AKAP6: variants seen among roughly 807,000 people sequenced by gnomAD.
The protein encoded by AKAP6 is A-kinase anchoring protein 6.
AKAP6 carries 58 observed loss-of-function variants against 188.5 expected under a neutral mutation model. The ratio of observed to expected loss-of-function variants is 0.31; its 90% CI spans 0.25 to 0.38. The LOEUF (loss-of-function observed/expected upper bound fraction) is 0.38, where lower values mean the gene tolerates loss of function less well. AKAP6 is among the 10% of genes least tolerant of loss of function. The probability of loss-of-function intolerance (pLI) is 1.00; values close to 1 mark genes in which losing one functional copy is unlikely to be tolerated. For synonymous variants in AKAP6, 989 were observed against 998.6 expected (o/e 0.99, Z 0.18); for missense variants, 2,710 against 2,740.0 (o/e 0.99, Z 0.24).
intron 1 of AKAP6, among the ~76,000 whole-genome samples, chr14:32,407,947 G>T (rs1889351923): frequency 1.3e-5 from 2 of 152,208 alleles, no homozygotes; most frequent in African/African-American, 4.8e-5. Flanking sequence ...TTTCCTTGCT[G>T]AACTGCAGAT....
chr14:32,591,669 A>G (rs1048896232), intron 5 of AKAP6, among the ~76,000 whole-genome samples: 1 of 149,180 alleles, frequency 6.7e-6, no homozygotes, highest in Non-Finnish European at 1.5e-5. Context: ...TTTTTTCAAA[A>G]GGAAAACAAA....
chr14:32,772,012 C>A (rs2032912441), intron 11 of AKAP6, among the ~76,000 whole-genome samples: 1 of 151,930 alleles, frequency 6.6e-6, no homozygotes, highest in Middle Eastern at 3.4e-3. Flanking sequence ...AACAGTCGTT[C>A]TAGAGCAAGA....
In AKAP6 at chr14:32,831,435, T is replaced by C. The variant is rs193092242; in HGVS notation, c.*1630T>C. The C allele has an allele frequency of 1.3e-5, 2 of 152,152 alleles. No homozygotes were observed. Among genetic ancestry groups the C allele is most frequent in the Non-Finnish European group, 1.5e-5 (1 of 68,022 alleles). The allele number at this position is 152,152 out of a possible 1,614,324, so 9.4% of individuals were successfully genotyped here. ...AACTAGAAAGAGGTACAATGCAATA[T>C]AAAGTCACAATAGATAATATATATC... On this transcript the variant is annotated 3_prime_UTR_variant, in exon 14 of 14. Transcript: ENST00000280979.
chr14:32,786,426 G>C (rs2033421441), intron 12 of AKAP6, among the ~76,000 whole-genome samples: 3 of 146,848 alleles, frequency 2.0e-5, no homozygotes, highest in Admixed American at 1.4e-4. Context: ...TCCTGCCCCA[G>C]CCTCCTGAGT....
intron 1 of AKAP6, among the ~76,000 whole-genome samples, chr14:32,339,594 G>T (rs1396447138): frequency 6.6e-6 from 1 of 152,162 alleles, no homozygotes; most frequent in South Asian, 2.1e-4. Context: ...CAGGAACAGG[G>T]TTATTTATTC....
At chr14:32,513,435 T>C (rs1044271749) in intron 2 of AKAP6, among the ~76,000 whole-genome samples, 2 of 152,212 alleles carry the variant, frequency 1.3e-5, no homozygotes, top group Non-Finnish European at 2.9e-5. Flanking sequence ...CTGGCTAATG[T>C]TACCTGGCCA....
intron 8 of AKAP6, among the ~76,000 whole-genome samples, chr14:32,681,873 T>C (rs2139650165): frequency 6.6e-6 from 1 of 152,140 alleles, no homozygotes; most frequent in South Asian, 2.1e-4. Flanking sequence ...GGAGACAAGG[T>C]TTCACCATGT....
At chr14:32,740,921 G>A (rs1226728895) in intron 11 of AKAP6, among the ~76,000 whole-genome samples, 1 of 151,772 alleles carries the variant, frequency 6.6e-6, no homozygotes, top group Non-Finnish European at 1.5e-5. Context: ...TATTTTGATA[G>A]AGATTGTATT....
intron 12 of AKAP6, among the ~76,000 whole-genome samples, chr14:32,800,157 T>A (rs140861917): frequency 0.013 from 1,485 of 116,230 alleles, 30 homozygotes; most frequent in African/African-American, 0.047. Context: ...TATATACATA[T>A]ATATACACAT....
intron 1 of AKAP6, among the ~76,000 whole-genome samples, chr14:32,389,742 A>G (rs1888648374): frequency 6.6e-6 from 1 of 152,132 alleles, no homozygotes; most frequent in Admixed American, 6.6e-5. Context: ...TTTCCGTTAT[A>G]GGTTACCTGG....
At chr14:32,466,753 A>G (rs1878465080) in intron 2 of AKAP6, among the ~76,000 whole-genome samples, 1 of 148,336 alleles carries the variant, frequency 6.7e-6, no homozygotes, top group Non-Finnish European at 1.5e-5. Flanking sequence ...AAAAAAAAAA[A>G]AGAGATATAT....
At chr14:32,420,964 A>T (rs1478589261) in intron 1 of AKAP6, among the ~76,000 whole-genome samples, 1 of 146,656 alleles carries the variant, frequency 6.8e-6, no homozygotes, top group Non-Finnish European at 1.5e-5. Flanking sequence ...CCTTTATTCT[A>T]CCCTCTCATT....
intron 2 of AKAP6, among the ~76,000 whole-genome samples, chr14:32,526,005 C>T (rs569880857): frequency 6.6e-6 from 1 of 152,274 alleles, no homozygotes; most frequent in African/African-American, 2.4e-5. Flanking sequence ...GAGAGAAGTT[C>T]TGTGATTATC....
chr14:32,755,562 C>G (rs911752010), intron 11 of AKAP6, among the ~76,000 whole-genome samples: 3 of 151,962 alleles, frequency 2.0e-5, no homozygotes, highest in East Asian at 1.9e-4. Context: ...GGATCTCACT[C>G]TCTCTCCCAG....
intron 1 of AKAP6, among the ~76,000 whole-genome samples, chr14:32,420,518 G>A (rs1351152856): frequency 6.6e-6 from 1 of 152,002 alleles, no homozygotes; most frequent in Non-Finnish European, 1.5e-5. Flanking sequence ...TATGATTTTT[G>A]TTCTATTTTT....
intron 2 of AKAP6, among the ~76,000 whole-genome samples, chr14:32,507,094 C>A (rs1880919673): frequency 6.6e-6 from 1 of 152,066 alleles, no homozygotes; most frequent in East Asian, 1.9e-4. Context: ...AAATTTTTGA[C>A]CATCTTCTTT....
chr14:32,817,821 A>T (rs2034425898), intron 12 of AKAP6, among the ~76,000 whole-genome samples: 2 of 152,312 alleles, frequency 1.3e-5, no homozygotes, highest in South Asian at 4.1e-4. Flanking sequence ...GATTAGCTTG[A>T]GCATTATTGG....
intron 2 of AKAP6, among the ~76,000 whole-genome samples, chr14:32,521,305 C>T (rs890563376): frequency 1.3e-5 from 2 of 152,110 alleles, no homozygotes; most frequent in African/African-American, 4.8e-5. Flanking sequence ...CTCACCACTC[C>T]TATTCAACAT....
intron 10 of AKAP6, 108 bp from the exon 11 acceptor site, chr14:32,735,550 G>A (rs2031373873): frequency 5.2e-6 from 4 of 774,408 alleles, no homozygotes; most frequent in Non-Finnish European, 8.1e-6. Context: ...ACAAAACTGT[G>A]GTGTGTTTTT....
Sources: gnomAD v4.1 joint callset for allele counts (sites outside exome capture counted in the v4.1 genomes callset) on GRCh38, gnomAD v4.1.1 for gene constraint, MANE v1.5 for transcripts, NCBI Gene and HGNC (gene_info 2026-07-23, HGNC 2026-07-21) for gene names.